Variants in DSCAML1 observed in about 807,000 individuals in gnomAD.
The protein encoded by DSCAML1 is DS cell adhesion molecule like 1, also known as cell adhesion molecule DSCAML1.
In DSCAML1, 38 loss-of-function variants were observed where a neutral mutation model predicts 200.5. That is an observed-to-expected ratio of 0.19 (90% CI 0.15 to 0.25). The LOEUF (loss-of-function observed/expected upper bound fraction) is 0.25. Among genes scored for constraint, DSCAML1 ranks in the 10% least tolerant of loss-of-function variants. DSCAML1 has a pLI of 1.00. For synonymous variants in DSCAML1, 1,215 were observed against 1,165.0 expected (o/e 1.04, Z -0.87); for missense variants, 2,223 against 2,858.8 (o/e 0.78, Z 5.07).
intron 20 of DSCAML1, among the ~76,000 whole-genome samples, chr11:117,446,233 G>A (rs186630528): frequency 3.3e-5 from 5 of 152,276 alleles, no homozygotes; most frequent in East Asian, 1.9e-4. Flanking sequence ...GCGTGGTGGC[G>A]CATGCCTATA....
intron 4 of DSCAML1, among the ~76,000 whole-genome samples, chr11:117,530,067 C>G (rs562156169): frequency 9.5e-4 from 144 of 152,256 alleles, no homozygotes; most frequent in African/African-American, 3.3e-3. Context: ...GCCAATCTCT[C>G]TTTGTGCCGG....
At chr11:117,742,400 C>G (rs749122955) in intron 3 of DSCAML1, among the ~76,000 whole-genome samples, 1 of 152,166 alleles carries the variant, frequency 6.6e-6, no homozygotes, top group Non-Finnish European at 1.5e-5. Flanking sequence ...CATTTTGGGA[C>G]GCTGGTGGTA....
intron 3 of DSCAML1, among the ~76,000 whole-genome samples, chr11:117,659,150 T>C (rs1340809718): frequency 1.3e-5 from 2 of 152,206 alleles, no homozygotes; most frequent in African/African-American, 4.8e-5. Flanking sequence ...AGCATGGTTC[T>C]GTAGTAAGAA....
At chr11:117,816,852 G>A (rs1308984672) in intron 1 of DSCAML1, among the ~76,000 whole-genome samples, 1 of 151,676 alleles carries the variant, frequency 6.6e-6, no homozygotes, top group Non-Finnish European at 1.5e-5. Flanking sequence ...AGAAAAACTG[G>A]AGGCCCATGC....
chr11:117,480,973 T>C lies in DSCAML1; in HGVS notation c.2656+201A>G, dbSNP rs1046661984. 2.6e-5 allele frequency among the ~76,000 whole-genome samples: 4 copies of C among 152,146 alleles called. No individual in the cohort carries two copies. Among genetic ancestry groups the C allele is most frequent in the African/African-American group, 9.7e-5 (4 of 41,428 alleles). On this transcript the variant is annotated intron_variant, in intron 13 of 32. Coordinates refer to ENST00000651296, the MANE Select transcript of DSCAML1 (RefSeq NM_020693.4). The surrounding 1 kb of genome is among the most constrained non-coding windows in gnomAD (Gnocchi z 4.1). ...AGCGGCTGTAGCCATTGCAAACTTTTGCTGTTTAAGTTCCTGGAAAGGTCT... is the reference window on the plus strand; with the variant it reads ...AGCGGCTGTAGCCATTGCAAACTTTCGCTGTTTAAGTTCCTGGAAAGGTCT...
At chr11:117,456,686 T>TC (rs60487143) in intron 19 of DSCAML1, among the ~76,000 whole-genome samples, 1 of 150,888 alleles carries the variant, frequency 6.6e-6, no homozygotes, top group Non-Finnish European at 1.5e-5. Flanking sequence ...TTTTTTTTTT[T>TC]CTTTTTGAGA....
intron 18 of DSCAML1, among the ~76,000 whole-genome samples, chr11:117,459,857 G>C (rs1000135218): frequency 6.6e-6 from 1 of 152,260 alleles, no homozygotes; most frequent in Non-Finnish European, 1.5e-5. Flanking sequence ...CCAAGGCAGA[G>C]GGCCTAGCCA....
intron 3 of DSCAML1, among the ~76,000 whole-genome samples, chr11:117,544,124 G>C (rs1343968637): frequency 6.6e-6 from 1 of 152,132 alleles, no homozygotes; most frequent in Non-Finnish European, 1.5e-5. Context: ...TGTCTCTCTT[G>C]GAAGAGAAGA....
At chr11:117,644,008 C>T (rs761676068) in intron 3 of DSCAML1, among the ~76,000 whole-genome samples, 7 of 152,210 alleles carry the variant, frequency 4.6e-5, no homozygotes, top group Non-Finnish European at 7.3e-5. Flanking sequence ...AAACTACTGT[C>T]GGGGAAGAGG....
chr11:117,524,357 G>T lies in DSCAML1; in HGVS notation c.937+448C>A, dbSNP rs920376635. Among the ~76,000 whole-genome samples, 6 of 152,310 alleles carry T rather than the reference G, an allele frequency of 3.9e-5. 1 individual carries two copies. ...GTGAAACATCCTGAATGTCACCCTA[G>T]GATTGGGATGTATGTCCTCTCTAGT... On this transcript the variant is annotated intron_variant, in intron 5 of 32. Coordinates refer to ENST00000651296, the MANE Select transcript of DSCAML1 (RefSeq NM_020693.4).
At chr11:117,798,995 C>T (rs1446920679), upstream of DSCAML1, among the ~76,000 whole-genome samples, 1 of 152,144 alleles carries the variant, frequency 6.6e-6, no homozygotes, top group South Asian at 2.1e-4. Context: ...GGACAGACTG[C>T]AGGGGGTGTT....
intron 16 of DSCAML1, among the ~76,000 whole-genome samples, chr11:117,465,414 T>C (rs2048560832): frequency 6.6e-6 from 1 of 152,198 alleles, no homozygotes; most frequent in Non-Finnish European, 1.5e-5. Flanking sequence ...CCCAGCACTC[T>C]GGCCTCTTTG....
chr11:117,577,259 A>G (rs2050948500), intron 3 of DSCAML1, among the ~76,000 whole-genome samples: 1 of 152,008 alleles, frequency 6.6e-6, no homozygotes, highest in Non-Finnish European at 1.5e-5. Context: ...GAAAGTATGG[A>G]TGCCCTGGCC....
In DSCAML1 at chr11:117,791,505, G is replaced by A. The variant is rs577078432; in HGVS notation, c.46+5529C>T. On this transcript the variant is annotated intron_variant, in intron 1 of 32. Coordinates refer to ENST00000651296, the MANE Select transcript of DSCAML1 (RefSeq NM_020693.4). ...ACCCCAGCCTTCCTTTGGCAGATAT[G>A]AGACCAACCTTTGCCTCACCTCAAA... is the stretch of plus-strand genomic sequence containing the variant. Among the ~76,000 whole-genome samples, 16 of 152,326 alleles carry A rather than the reference G, an allele frequency of 1.1e-4. No individual in the cohort carries two copies. In the South Asian group the frequency reaches 1.9e-3, roughly 18 times the overall value.
chr11:117,621,751 T>C (rs2137551179), intron 3 of DSCAML1, among the ~76,000 whole-genome samples: 1 of 152,304 alleles, frequency 6.6e-6, no homozygotes, highest in South Asian at 2.1e-4. Context: ...CCTCATGATC[T>C]TATCTATATG....
intron 3 of DSCAML1, among the ~76,000 whole-genome samples, chr11:117,648,692 C>CGTCT (rs2052569871): frequency 6.6e-6 from 1 of 152,212 alleles, no homozygotes; most frequent in African/African-American, 2.4e-5. Context: ...CACAGCCAGA[C>CGTCT]ACCTGGTGCA....
intron 17 of DSCAML1, 84 bp downstream of exon 17, chr11:117,464,856 CAG>C: frequency 6.4e-7 from 1 of 1,554,906 alleles, no homozygotes; most frequent in Non-Finnish European, 8.7e-7. Flanking sequence ...CAGGGGCAAA[CAG>C]AGGGACCCAC....
chr11:117,781,275 A>C (rs911840566), intron 1 of DSCAML1, among the ~76,000 whole-genome samples: 1 of 149,492 alleles, frequency 6.7e-6, no homozygotes, highest in African/African-American at 2.5e-5. Flanking sequence ...TGGGCAACAG[A>C]GCAAGACTCT....
At chr11:117,592,117 G>T (rs114406912) in intron 3 of DSCAML1, among the ~76,000 whole-genome samples, 2,530 of 152,210 alleles carry the variant, frequency 0.017, 66 homozygotes, top group African/African-American at 0.056. Flanking sequence ...CATCAGGTAG[G>T]GCAGGGGCCC....
Sources: gnomAD v4.1 joint callset for allele counts (sites outside exome capture counted in the v4.1 genomes callset) on GRCh38, gnomAD v4.1.1 for gene constraint, Gnocchi (gnomAD v3.1) non-coding constraint, MANE v1.5 for transcripts, NCBI Gene and HGNC (gene_info 2026-07-23, HGNC 2026-07-21) for gene names.